The following STK39 variants were observed in gnomAD, a reference collection of about 807,000 sequenced individuals.
STK39 encodes serine/threonine kinase 39.
A neutral mutation model predicts 77.8 loss-of-function variants in STK39; 20 were observed. The observed-to-expected ratio is 0.26, with a 90% CI of 0.18 to 0.37. STK39 has a LOEUF of 0.37. Among genes scored for constraint, STK39 ranks in the 10% least tolerant of loss-of-function variants. The pLI is 1.00. For synonymous variants in STK39, 246 were observed against 234.1 expected (o/e 1.05, Z -0.47); for missense variants, 479 against 656.5 (o/e 0.73, Z 2.95).
chr2:168,044,377 C>A (rs114748390), intron 14 of STK39, among the ~76,000 whole-genome samples: 1 of 152,114 alleles, frequency 6.6e-6, no homozygotes, highest in Non-Finnish European at 1.5e-5. Flanking sequence ...AAGGCCACTA[C>A]GATAAGTTTG....
intron 1 of STK39, among the ~76,000 whole-genome samples, chr2:168,245,319 T>A (rs916589100): frequency 1.3e-5 from 2 of 152,322 alleles, no homozygotes; most frequent in Middle Eastern, 3.4e-3. Flanking sequence ...CATCACATCC[T>A]ATAGGATCCT....
At chr2:167,971,457 C>T (rs962099134) in intron 16 of STK39, among the ~76,000 whole-genome samples, 5 of 151,750 alleles carry the variant, frequency 3.3e-5, no homozygotes, top group East Asian at 1.9e-4. Context: ...TTCTTCTGCA[C>T]GTAGGTAGGA....
chr2:168,210,986 A>C (rs13034253), intron 1 of STK39, among the ~76,000 whole-genome samples: 23,425 of 152,182 alleles, frequency 0.15, 1,907 homozygotes, highest in East Asian at 0.25. Context: ...TGCTCATCAA[A>C]ATTTCAATGG....
At chr2:168,013,793 GGTGTGTGTGTGTGTGTGT>G (rs4000936) in intron 15 of STK39, among the ~76,000 whole-genome samples, 28 of 147,764 alleles carry the variant, frequency 1.9e-4, no homozygotes, top group East Asian at 8.0e-4. Context: ...TAAGTGGGCT[GGTGTGTGTGTGTGTGTGT>G]GTGTGTGTGT....
At chr2:168,052,902 A>G (rs1685433315) in intron 14 of STK39, among the ~76,000 whole-genome samples, 1 of 152,170 alleles carries the variant, frequency 6.6e-6, no homozygotes, top group African/African-American at 2.4e-5. Context: ...TGCTGCAAGA[A>G]CTCAGCACCA....
intron 1 of STK39, among the ~76,000 whole-genome samples, chr2:168,204,300 CA>C (rs1436327728): frequency 2.0e-5 from 3 of 152,192 alleles, no homozygotes; most frequent in Non-Finnish European, 4.4e-5. Flanking sequence ...TAGAGAGATA[CA>C]AGCACGGGTT....
intron 1 of STK39, among the ~76,000 whole-genome samples, chr2:168,236,365 G>A (rs1467986982): frequency 6.6e-6 from 1 of 152,120 alleles, no homozygotes; most frequent in Non-Finnish European, 1.5e-5. Context: ...TTTGTCAGAT[G>A]AGTAGATTGC....
intron 16 of STK39, among the ~76,000 whole-genome samples, chr2:167,982,069 G>A (rs1475481826): frequency 1.3e-5 from 2 of 152,216 alleles, no homozygotes; most frequent in African/African-American, 4.8e-5. Flanking sequence ...ATTGTGAAAT[G>A]AGAGGTTAGT....
intron 1 of STK39, among the ~76,000 whole-genome samples, chr2:168,214,223 T>C (rs1293967063): frequency 6.9e-6 from 1 of 145,726 alleles, no homozygotes; most frequent in South Asian, 2.2e-4. Flanking sequence ...TGTAAGCAAA[T>C]GTGAAAGATG....
chr2:167,996,951 G>A (rs546899552), intron 16 of STK39, among the ~76,000 whole-genome samples: 1 of 151,186 alleles, frequency 6.6e-6, no homozygotes, highest in Non-Finnish European at 1.5e-5. Context: ...AGTAAGAGAG[G>A]GTCATTGCAG....
At chr2:168,088,438 T>C (rs1041756345) in intron 10 of STK39, among the ~76,000 whole-genome samples, 1 of 152,216 alleles carries the variant, frequency 6.6e-6, no homozygotes, top group Non-Finnish European at 1.5e-5. Context: ...GATATATACA[T>C]GATATGCCTC....
intron 2 of STK39, among the ~76,000 whole-genome samples, chr2:168,181,029 CT>C (rs1415528695): frequency 7.2e-5 from 11 of 152,168 alleles, no homozygotes; most frequent in African/African-American, 2.2e-4. Context: ...AGACAAAAAG[CT>C]GTTGTTAATG....
At chr2:167,983,477 A>AAGG (rs1683481239) in intron 16 of STK39, among the ~76,000 whole-genome samples, 1 of 130,790 alleles carries the variant, frequency 7.6e-6, no homozygotes, top group African/African-American at 2.9e-5. Flanking sequence ...AAAAGAAATG[A>AAGG]AAGGAAGGAA....
intron 14 of STK39, among the ~76,000 whole-genome samples, chr2:168,060,374 G>A (rs1048003230): frequency 6.6e-6 from 1 of 152,132 alleles, no homozygotes; most frequent in African/African-American, 2.4e-5. Flanking sequence ...TCATGAGGGT[G>A]GGACCCAAGA....
chr2:168,233,479 G>A (rs548333786), intron 1 of STK39, among the ~76,000 whole-genome samples: 3 of 152,186 alleles, frequency 2.0e-5, no homozygotes, highest in African/African-American at 7.2e-5. Context: ...TCTCCCAAAA[G>A]AGCAGGTATC....
chr2:168,203,218 C>G (rs1416978757), intron 1 of STK39, among the ~76,000 whole-genome samples: 1 of 152,090 alleles, frequency 6.6e-6, no homozygotes, highest in Admixed American at 6.5e-5. Context: ...CTGAGGACCA[C>G]AGCTCTAAGA....
At position 168,141,077 on chromosome 2, in the gene STK39, T is replaced by C. The variant is rs539357070; in HGVS notation, c.629-319A>G. Among the ~76,000 whole-genome samples, 83 of 152,278 alleles carry C rather than the reference T, an allele frequency of 5.5e-4. 1 individual carries two copies. In the South Asian group the frequency reaches 0.017, roughly 31 times the overall value. On this transcript the variant is annotated intron_variant, in intron 5 of 17. Coordinates refer to ENST00000355999, the MANE Select transcript of STK39 (RefSeq NM_013233.3). ...TATAAAGCCAACATGCCCGAGTATG[T>C]CCATATGCAAAAAAGCTTAGTCAGC...
At chr2:168,238,139 A>G (rs537090607) in intron 1 of STK39, among the ~76,000 whole-genome samples, 3 of 152,258 alleles carry the variant, frequency 2.0e-5, no homozygotes, top group Admixed American at 1.3e-4. Context: ...AACCAGTTCA[A>G]AACAAAATCA....
At chr2:168,165,741 T>C (rs77325330) in intron 3 of STK39, among the ~76,000 whole-genome samples, 5,180 of 151,554 alleles carry the variant, frequency 0.034, 305 homozygotes, top group African/African-American at 0.12. Flanking sequence ...AATGCCTTCG[T>C]CATCTCATTT....
Sources: gnomAD v4.1 joint callset for allele counts (sites outside exome capture counted in the v4.1 genomes callset) on GRCh38, gnomAD v4.1.1 for gene constraint, MANE v1.5 for transcripts, NCBI Gene and HGNC (gene_info 2026-07-23, HGNC 2026-07-21) for gene names.